The following PPARGC1B variants were observed in gnomAD, a reference collection of about 807,000 sequenced individuals.
PPARGC1B encodes PPARG coactivator 1 beta, also known as peroxisome proliferator-activated receptor gamma coactivator 1-beta.
In PPARGC1B, 34 loss-of-function variants were observed where a neutral mutation model predicts 101.6. That is an observed-to-expected ratio of 0.33 (90% CI 0.25 to 0.45). The LOEUF is 0.45. Among genes scored for constraint, PPARGC1B ranks in the 20% least tolerant of loss-of-function variants. The pLI, the probability that PPARGC1B is intolerant of heterozygous loss-of-function variation, is 1.00. For missense variants in PPARGC1B, 1,234 were observed against 1,317.6 expected, an observed-to-expected ratio of 0.94 and a Z score of 0.98; for synonymous variants, 548 against 539.3, an observed-to-expected ratio of 1.02 and a Z score of -0.22.
At chr5:149,856,286 T>C (rs934891228), downstream of PPARGC1B, among the ~76,000 whole-genome samples, 3 of 152,232 alleles carry the variant, frequency 2.0e-5, no homozygotes, top group Non-Finnish European at 2.9e-5. Context: ...TTTCTTTGAT[T>C]GCAAGGGAAC....
intron 1 of PPARGC1B, among the ~76,000 whole-genome samples, chr5:149,747,152 A>G (rs560199083): frequency 6.6e-5 from 10 of 152,208 alleles, no homozygotes; most frequent in Non-Finnish European, 7.4e-5. Context: ...TTGGTGTCAT[A>G]TCTAAGAAAT....
intron 1 of PPARGC1B, among the ~76,000 whole-genome samples, chr5:149,776,569 A>T (rs149883504): frequency 6.6e-6 from 1 of 152,108 alleles, no homozygotes. Context: ...TCGTTGAACT[A>T]GGGGATCTTG....
At chr5:149,799,839 A>G (rs73265665) in intron 1 of PPARGC1B, among the ~76,000 whole-genome samples, 115 of 151,344 alleles carry the variant, frequency 7.6e-4, no homozygotes, top group African/African-American at 2.6e-3. Context: ...CTGGGACTAC[A>G]GGTGTACGCC....
Position 149,833,061 on chromosome 5 carries a change from C to T in PPARGC1B, c.988C>T (p.Arg330Trp), listed in dbSNP as rs45470697. The T allele has an allele frequency of 2.9e-3, 4,619 of 1,613,752 alleles. 115 individuals are homozygous for T. In the African/African-American group the frequency reaches 0.054, roughly 19 times the overall value. Reference sequence around the variant, plus strand: ...GCAGGTCAGATCCCGGCCCTGGTCCCGGCACCACTCCAAAGCCTCCTGGGC... The same window carrying T: ...GCAGGTCAGATCCCGGCCCTGGTCCTGGCACCACTCCAAAGCCTCCTGGGC... ...SQQVRSRPWS[R>W]HHSKASWAEF... is the part of the protein sequence containing the mutation. The change falls in exon 5 of 12, where the codon CGG (arginine) becomes TGG (tryptophan). Residue 330 changes from arginine to tryptophan, a missense_variant. This residue lies in a region of PPARGC1B where 734 missense variants were observed against 768.4 expected (regional missense o/e 0.96). Transcript: ENST00000309241. This position sits in a 1 kb window ranked among gnomAD's most constrained non-coding sequence, Gnocchi z 4.1.
chr5:149,856,770 G>C (rs904869547), downstream of PPARGC1B, among the ~76,000 whole-genome samples: 4 of 141,464 alleles, frequency 2.8e-5, no homozygotes, highest in African/African-American at 1.0e-4. Context: ...AAGCTGCTTG[G>C]CTTTTTTTTT....
chr5:149,809,175 CATAGATAGATAGATAGATAG>C (rs1170949360), intron 1 of PPARGC1B, among the ~76,000 whole-genome samples: 2 of 42,940 alleles, frequency 4.7e-5, no homozygotes, highest in South Asian at 9.2e-4. Flanking sequence ...CCATCTCTAC[CATAGATAGATAGATAGATAG>C]ATAGATAGAT....
intron 2 of PPARGC1B, 77 bp from the exon 3 acceptor site, chr5:149,826,596 C>T (rs1216002914): frequency 8.6e-6 from 10 of 1,159,640 alleles, no homozygotes; most frequent in African/African-American, 1.5e-5. Flanking sequence ...TGGTGTCCAC[C>T]GTGGAGACTG....
chr5:149,730,470 G>A lies in PPARGC1B; in HGVS notation c.78+50G>A. 2 of 1,434,832 alleles carry A rather than the reference G, an allele frequency of 1.4e-6. No individual in the cohort carries two copies. Among genetic ancestry groups the A allele is most frequent in the Non-Finnish European group, 1.9e-6 (2 of 1,074,626 alleles). 88.9% of individuals were successfully genotyped at this position (1,434,832 alleles called of 1,614,324 possible). A position where few individuals can be genotyped will look rare whatever the true frequency, so the allele number is the denominator to read the frequency against. On this transcript the variant is annotated intron_variant, in intron 1 of 11. Coordinates refer to ENST00000309241, the MANE Select transcript of PPARGC1B (RefSeq NM_133263.4). This position sits in a 1 kb window ranked among gnomAD's most constrained non-coding sequence, Gnocchi z 4.0. ...CCGGGGCCAGGGGTGCTGAGCTGCGGGGGCCGCAGCTGCAGCCGCGGAGGC... is the reference window on the plus strand; with the variant it reads ...CCGGGGCCAGGGGTGCTGAGCTGCGAGGGCCGCAGCTGCAGCCGCGGAGGC...
At chr5:149,777,922 T>TCACACACA (rs58159275) in intron 1 of PPARGC1B, among the ~76,000 whole-genome samples, 2 of 11,610 alleles carry the variant, frequency 1.7e-4, no homozygotes, top group African/African-American at 1.1e-3. Flanking sequence ...CCATGTAGCA[T>TCACACACA]CACACACACA....
rs566452446 is a variant in PPARGC1B, at chr5:149,836,418, C to T, written c.1963C>T (p.Pro655Ser). The change falls in exon 8 of 12, where the codon CCA (proline) becomes TCA (serine). Residue 655 changes from proline (P) to serine (S), a missense_variant. Pro to Ser is a moderately conservative substitution (Grantham distance 74). Coordinates refer to ENST00000309241, the MANE Select transcript of PPARGC1B (RefSeq NM_133263.4). The part of the protein sequence containing the change: ...KATPGAAHKL[P>S]KKHPERSELL... ...CACCCCAGGGGCTGCCCACAAGCTG[C>T]CAAAGAAGCACCCAGAGCGAAGTGA... 3.1e-6 allele frequency: 5 copies of T among 1,614,132 alleles called. No homozygotes were observed. Among genetic ancestry groups the T allele is most frequent in the African/African-American group, 2.7e-5 (2 of 75,044 alleles).
At chr5:149,813,363 C>T (rs747041254) in intron 1 of PPARGC1B, among the ~76,000 whole-genome samples, 3 of 152,170 alleles carry the variant, frequency 2.0e-5, no homozygotes, top group Non-Finnish European at 2.9e-5. Context: ...TCAGTGCAGC[C>T]GGGTGGAGCC....
intron 2 of PPARGC1B, among the ~76,000 whole-genome samples, chr5:149,824,216 A>C (rs1293559803): frequency 6.6e-6 from 1 of 152,108 alleles, no homozygotes; most frequent in Non-Finnish European, 1.5e-5. Flanking sequence ...GTGATAATTC[A>C]CAATATCTCT....
downstream of PPARGC1B, among the ~76,000 whole-genome samples, chr5:149,857,341 T>C (rs904242404): frequency 6.6e-5 from 10 of 152,150 alleles, no homozygotes. Context: ...ACTGCAAGGA[T>C]CTTGACCTTT....
intron 1 of PPARGC1B, among the ~76,000 whole-genome samples, chr5:149,764,954 C>G (rs1452284382): frequency 6.6e-6 from 1 of 152,226 alleles, no homozygotes; most frequent in African/African-American, 2.4e-5. Context: ...CACACATGTC[C>G]TCTACCAACT....
chr5:149,746,568 CA>C (rs1755102439), intron 1 of PPARGC1B, among the ~76,000 whole-genome samples: 1 of 152,158 alleles, frequency 6.6e-6, no homozygotes, highest in South Asian at 2.1e-4. Flanking sequence ...CATGGGTGCA[CA>C]AATATCTCTT....
intron 1 of PPARGC1B, among the ~76,000 whole-genome samples, chr5:149,750,668 A>C (rs1042849194): frequency 6.6e-6 from 1 of 152,056 alleles, no homozygotes; most frequent in African/African-American, 2.4e-5. Context: ...GTAATTATTT[A>C]AAGAAAGCTC....
intron 8 of PPARGC1B, among the ~76,000 whole-genome samples, chr5:149,839,059 A>C (rs1260192493): frequency 6.6e-6 from 1 of 152,222 alleles, no homozygotes; most frequent in Non-Finnish European, 1.5e-5. Flanking sequence ...AGAGCTTCAC[A>C]GGTGCACCTG....
At position 149,849,206 on chromosome 5, in the gene PPARGC1B, C is replaced by T. The variant is rs978207343; in HGVS notation, c.*1648C>T. 3 of 152,076 alleles carry T rather than the reference C, an allele frequency of 2.0e-5. No individual in the cohort carries two copies. Among genetic ancestry groups the T allele is most frequent in the Non-Finnish European group, 2.9e-5 (2 of 68,020 alleles). 9.4% of individuals were successfully genotyped at this position (152,076 alleles called of 1,614,324 possible). ...CCAAGCCTAGACTGTTGAGAATTGA[C>T]GTTTTTAAAGATTATCAAATACCTC... On this transcript the variant is annotated 3_prime_UTR_variant, in exon 12 of 12. Coordinates refer to ENST00000309241, the MANE Select transcript of PPARGC1B (RefSeq NM_133263.4).
intron 11 of PPARGC1B, 27 bp downstream of exon 11, chr5:149,845,941 C>A: frequency 6.2e-7 from 1 of 1,614,134 alleles, no homozygotes; most frequent in Non-Finnish European, 8.5e-7. Context: ...CAGCCACAGT[C>A]TAGTAAGACT....
Sources: gnomAD v4.1 joint callset for allele counts (sites outside exome capture counted in the v4.1 genomes callset) on GRCh38, gnomAD v4.1.1 for gene constraint, gnomAD v4.1.1 regional missense constraint, Gnocchi (gnomAD v3.1) non-coding constraint, MANE v1.5 for transcripts, NCBI Gene and HGNC (gene_info 2026-07-23, HGNC 2026-07-21) for gene names.